The following CPA6 variants were observed in gnomAD, a reference collection of about 807,000 sequenced individuals.
The protein encoded by CPA6 is carboxypeptidase B.
CPA6 carries 58 observed loss-of-function variants against 63.3 expected under a neutral mutation model. The observed-to-expected ratio is 0.92, with a 90% CI of 0.74 to 1.14. CPA6 has a LOEUF of 1.14. CPA6 is among the 50% of genes most tolerant of loss of function. The pLI is 0.00. For synonymous variants in CPA6, 185 were observed against 179.0 expected (o/e 1.03, Z -0.27); for missense variants, 565 against 526.6 (o/e 1.07, Z -0.71).
At chr8:67,673,275 G>A (rs1485900408) in intron 1 of CPA6, among the ~76,000 whole-genome samples, 2 of 151,724 alleles carry the variant, frequency 1.3e-5, no homozygotes, top group East Asian at 3.9e-4. Flanking sequence ...TGGATACTAT[G>A]ATATACAATG....
chr8:67,516,630 C>A (rs894573448), intron 3 of CPA6, among the ~76,000 whole-genome samples: 2 of 152,230 alleles, frequency 1.3e-5, no homozygotes, highest in South Asian at 4.1e-4. Context: ...ACATTCTAAT[C>A]CACCTTTAGA....
chr8:67,613,179 CATG>C (rs1427921662), intron 2 of CPA6, among the ~76,000 whole-genome samples: 1 of 152,244 alleles, frequency 6.6e-6, no homozygotes, highest in Non-Finnish European at 1.5e-5. Context: ...TTGCCTATTT[CATG>C]ATACCTGTTT....
chr8:67,568,104 A>C (rs1185030899), intron 2 of CPA6, among the ~76,000 whole-genome samples: 3 of 152,200 alleles, frequency 2.0e-5, no homozygotes, highest in African/African-American at 4.8e-5. Flanking sequence ...GCCCGGGGTC[A>C]GTACGAGCTG....
intron 8 of CPA6, among the ~76,000 whole-genome samples, chr8:67,438,285 G>A (rs1810209649): frequency 6.7e-6 from 1 of 149,484 alleles, no homozygotes; most frequent in Non-Finnish European, 1.5e-5. Context: ...GAGATAAAGA[G>A]GAAAATATCA....
At chr8:67,480,128 T>C (rs1005412912) in intron 8 of CPA6, among the ~76,000 whole-genome samples, 1 of 152,210 alleles carries the variant, frequency 6.6e-6, no homozygotes, top group Admixed American at 6.5e-5. Flanking sequence ...AGAGTTATTA[T>C]GTTTCAATAA....
intron 4 of CPA6, among the ~76,000 whole-genome samples, chr8:67,511,001 T>G (rs1234426296): frequency 1.3e-5 from 2 of 152,196 alleles, no homozygotes; most frequent in Non-Finnish European, 2.9e-5. Context: ...AGCTGAGATT[T>G]GCAGAACAAC....
At chr8:67,536,196 T>C (rs889211153) in intron 2 of CPA6, among the ~76,000 whole-genome samples, 4 of 152,208 alleles carry the variant, frequency 2.6e-5, no homozygotes, top group African/African-American at 9.6e-5. Flanking sequence ...TTTGGTTCCA[T>C]ATGAAATTTA....
chr8:67,702,299 A>G (rs564608313), intron 1 of CPA6, among the ~76,000 whole-genome samples: 2 of 152,308 alleles, frequency 1.3e-5, no homozygotes, highest in Admixed American at 6.5e-5. Flanking sequence ...AATCAGCATT[A>G]CTATATGGAG....
At chr8:67,723,914 T>C (rs896620637) in intron 1 of CPA6, among the ~76,000 whole-genome samples, 3 of 152,216 alleles carry the variant, frequency 2.0e-5, no homozygotes, top group African/African-American at 7.2e-5. Flanking sequence ...GGATTTGAAT[T>C]ATAACCATTA....
intron 8 of CPA6, among the ~76,000 whole-genome samples, chr8:67,443,842 T>C (rs1197753046): frequency 6.6e-6 from 1 of 152,100 alleles, no homozygotes; most frequent in African/African-American, 2.4e-5. Flanking sequence ...GGTAGGACAG[T>C]GGTATTACGA....
rs116176055 is a variant in CPA6 at position 67,503,298 on chromosome 8, C to A, written c.636+3489G>T. Among the ~76,000 whole-genome samples the A allele has an allele frequency of 8.6e-4, 130 of 150,824 alleles. 1 individual carries two copies. The highest frequency in any genetic ancestry group is 3.1e-3 in the African/African-American group (126 of 41,050). On this transcript the variant is annotated intron_variant, in intron 6 of 10. Transcript: ENST00000297770. ...AAGTGGCCCACCTGCCTAGGCCTCC[C>A]AGAGTCTTATTTATTTATTGAGACA...
chr8:67,615,049 G>A (rs766117794), intron 2 of CPA6, among the ~76,000 whole-genome samples: 2 of 152,070 alleles, frequency 1.3e-5, no homozygotes, highest in Admixed American at 6.5e-5. Flanking sequence ...ATCGATACTC[G>A]TTTATAAGGT....
intron 8 of CPA6, among the ~76,000 whole-genome samples, chr8:67,443,569 A>G (rs1405799740): frequency 6.6e-6 from 1 of 152,130 alleles, no homozygotes; most frequent in Non-Finnish European, 1.5e-5. Flanking sequence ...TAGTATATTT[A>G]TCGAGCTGTG....
intron 1 of CPA6, among the ~76,000 whole-genome samples, chr8:67,724,629 G>A (rs1817562962): frequency 6.6e-6 from 1 of 152,208 alleles, no homozygotes; most frequent in Non-Finnish European, 1.5e-5. Context: ...ACATAGATGA[G>A]GAACAACTGA....
At chr8:67,614,318 A>AG (rs1814887004) in intron 2 of CPA6, among the ~76,000 whole-genome samples, 1 of 152,250 alleles carries the variant, frequency 6.6e-6, no homozygotes, top group Non-Finnish European at 1.5e-5. Flanking sequence ...ATGGTCTGCA[A>AG]GGGGGATCAG....
chr8:67,530,025 G>T (rs1054223680), intron 2 of CPA6, among the ~76,000 whole-genome samples: 1 of 152,142 alleles, frequency 6.6e-6, no homozygotes, highest in African/African-American at 2.4e-5. Flanking sequence ...GATTTTTAAA[G>T]AAACTATAAT....
intron 2 of CPA6, among the ~76,000 whole-genome samples, chr8:67,622,950 G>A (rs751407634): frequency 1.1e-4 from 17 of 152,108 alleles, no homozygotes; most frequent in Non-Finnish European, 1.9e-4. Flanking sequence ...GTAACTTTTA[G>A]GTAAAAACTA....
At chr8:67,651,176 G>A (rs1241978324) in intron 1 of CPA6, among the ~76,000 whole-genome samples, 1 of 152,046 alleles carries the variant, frequency 6.6e-6, no homozygotes, top group Admixed American at 6.6e-5. Flanking sequence ...TTTCCTTCAG[G>A]CTGCATTTTT....
intron 8 of CPA6, among the ~76,000 whole-genome samples, chr8:67,463,214 C>T (rs935819532): frequency 1.3e-5 from 2 of 152,022 alleles, no homozygotes; most frequent in Non-Finnish European, 2.9e-5. Context: ...GAGGTCGAGG[C>T]GGGCGGATCA....
Sources: gnomAD v4.1 joint callset for allele counts (sites outside exome capture counted in the v4.1 genomes callset) on GRCh38, gnomAD v4.1.1 for gene constraint, MANE v1.5 for transcripts, NCBI Gene and HGNC (gene_info 2026-07-23, HGNC 2026-07-21) for gene names.